Variants in ZFP91 observed in about 807,000 individuals in gnomAD.
ZFP91 encodes E3 ubiquitin-protein ligase ZFP91.
ZFP91 carries 7 observed loss-of-function variants against 63.5 expected under a neutral mutation model. The observed-to-expected ratio is 0.11, with a 90% confidence interval of 0.06 to 0.21. ZFP91 has a LOEUF of 0.21. Among genes scored for constraint, ZFP91 ranks in the 10% least tolerant of loss-of-function variants. The probability of loss-of-function intolerance (pLI) is 1.00; values close to 1 mark genes in which losing one functional copy is unlikely to be tolerated. For missense variants in ZFP91, 628 were observed against 736.6 expected (o/e 0.85, Z 1.71); for synonymous variants, 330 against 272.1 (o/e 1.21, Z -2.10).
At chr11:58,603,164 G>A (rs940002525) in intron 2 of ZFP91, among the ~76,000 whole-genome samples, 6 of 152,136 alleles carry the variant, frequency 3.9e-5, no homozygotes, top group African/African-American at 1.2e-4. Context: ...TCTATCATTG[G>A]GTAAGCAATG....
In ZFP91 at chr11:58,618,060, C is replaced by G. The variant is rs1855780731; in HGVS notation, c.*354C>G. Reference sequence around the variant, plus strand: ...CCTGTAACTCTGATGTGCTCTGGATCAGCTTTTAACTTTTAATCATATATT... The same window carrying G: ...CCTGTAACTCTGATGTGCTCTGGATGAGCTTTTAACTTTTAATCATATATT... On this transcript the variant is annotated 3_prime_UTR_variant, in exon 11 of 11. Transcript: ENST00000316059. 1 of 194,578 alleles carries G rather than the reference C, an allele frequency of 5.1e-6. No individual in the cohort carries two copies. Among genetic ancestry groups the G allele is most frequent in the Non-Finnish European group, 1.0e-5 (1 of 96,946 alleles). The allele number at this position is 194,578 out of a possible 1,614,324, so 12.1% of individuals were successfully genotyped here.
intron 3 of ZFP91, 103 bp from the exon 4 acceptor site, chr11:58,610,195 A>G (rs1443925512): frequency 2.8e-6 from 4 of 1,429,418 alleles, no homozygotes; most frequent in Non-Finnish European, 2.9e-6. Context: ...CTGCTTTTGT[A>G]TAATTACCCC....
At position 58,619,045 on chromosome 11, in the gene ZFP91, A is replaced by T. The variant is rs1038162813; in HGVS notation, c.*1339A>T. The T allele has an allele frequency of 5.5e-6, 1 of 180,378 alleles. No individual in the cohort carries two copies. The highest frequency in any genetic ancestry group is 2.4e-5 in the African/African-American group (1 of 41,562). 11.2% of individuals were successfully genotyped at this position (180,378 alleles called of 1,614,324 possible). On this transcript the variant is annotated 3_prime_UTR_variant, in exon 11 of 11. Coordinates refer to ENST00000316059, the MANE Select transcript of ZFP91 (RefSeq NM_053023.5). ...GTTTCTTGCTTTGCTTTATCAGTTC[A>T]TTCCAGCTCCCTGTTAGTGAAGGAC...
chr11:58,602,742 T>C (rs1855510863), intron 2 of ZFP91, among the ~76,000 whole-genome samples: 1 of 152,202 alleles, frequency 6.6e-6, no homozygotes, highest in African/African-American at 2.4e-5. Flanking sequence ...AGGAAACTAA[T>C]ACATTTTGGT....
At chr11:58,590,020 T>C (rs1351932307) in intron 2 of ZFP91, among the ~76,000 whole-genome samples, 1 of 152,212 alleles carries the variant, frequency 6.6e-6, no homozygotes, top group African/African-American at 2.4e-5. Context: ...CTATATATAT[T>C]ATTTTACATT....
intron 2 of ZFP91, among the ~76,000 whole-genome samples, chr11:58,604,593 C>T (rs564340278): frequency 6.6e-6 from 1 of 152,292 alleles, no homozygotes; most frequent in South Asian, 2.1e-4. Flanking sequence ...TATCTTAATC[C>T]ATTCTTTTAC....
At chr11:58,605,028 T>C (rs1453363637) in intron 2 of ZFP91, among the ~76,000 whole-genome samples, 2 of 152,238 alleles carry the variant, frequency 1.3e-5, no homozygotes, top group Non-Finnish European at 2.9e-5. Context: ...ATCTTTATTT[T>C]CTTTGTATTT....
Position 58,618,937 on chromosome 11 carries a change from T to G in ZFP91, c.*1231T>G, listed in dbSNP as rs1855800471. ...ATTACAGATAGATGATTGTTTCTTG[T>G]GAATTTGTTTCTTTTCCTTTTTTTT... On this transcript the variant is annotated 3_prime_UTR_variant, in exon 11 of 11. Transcript: ENST00000316059. The G allele has an allele frequency of 4.5e-6, 1 of 221,440 alleles. No individual in the cohort carries two copies. Among genetic ancestry groups the G allele is most frequent in the Admixed American group, 5.8e-5 (1 of 17,332 alleles). The allele number at this position is 221,440 out of a possible 1,614,324, so 13.7% of individuals were successfully genotyped here. A position where few individuals can be genotyped will look rare whatever the true frequency, so the allele number is the denominator to read the frequency against.
intron 2 of ZFP91, among the ~76,000 whole-genome samples, chr11:58,599,626 C>G (rs1157867260): frequency 6.6e-6 from 1 of 151,834 alleles, no homozygotes; most frequent in Non-Finnish European, 1.5e-5. Flanking sequence ...CTTTTTTGGC[C>G]TTTTGTATAT....
rs1855036646 is a variant in ZFP91, at chr11:58,579,280, C to T, written c.-2C>T. ...TAGGGGGTGGGGGACGGACAAGCCC[C>T]GATGCCGGGGGAGACGGAAGAGCCG... On this transcript the variant is annotated 5_prime_UTR_variant, in exon 1 of 11. Transcript: ENST00000316059. 4 of 1,444,728 alleles carry T rather than the reference C, an allele frequency of 2.8e-6. No homozygotes were observed. Among genetic ancestry groups the T allele is most frequent in the Non-Finnish European group, 2.7e-6 (3 of 1,107,260 alleles). 89.5% of individuals were successfully genotyped at this position (1,444,728 alleles called of 1,614,324 possible).
At position 58,611,714 on chromosome 11, in the gene ZFP91, G is replaced by A. The variant is rs771654011; in HGVS notation, c.833G>A (p.Arg278Lys). ...VEVKEEENEI[R>K]EDEEPPRKRG... Reference sequence around the variant, plus strand: ...GTGAAAGAAGAGGAGAATGAAATTAGAGAGGATGAGGAACCTCCAAGGAAG... The same window carrying A: ...GTGAAAGAAGAGGAGAATGAAATTAAAGAGGATGAGGAACCTCCAAGGAAG... Residue 278 changes from arginine (R) to lysine (K), a missense_variant, in exon 6 of 11, where the codon AGA becomes AAA. By Grantham distance (26) the Arg-to-Lys change is conservative. Transcript: ENST00000316059. 21 of 1,611,668 alleles carry A rather than the reference G, an allele frequency of 1.3e-5. No homozygotes were observed. Among genetic ancestry groups the A allele is most frequent in the South Asian group, 2.2e-5 (2 of 90,780 alleles).
intron 7 of ZFP91, 173 bp downstream of exon 7, chr11:58,612,501 G>T: frequency 1.5e-6 from 1 of 672,132 alleles, no homozygotes. Context: ...CATTGTAAGA[G>T]CTTGAAATTT....
At position 58,617,757 on chromosome 11, in the gene ZFP91, TTA is replaced by T. The variant is rs1855774144; in HGVS notation, c.*52_*53del. On this transcript the variant is annotated 3_prime_UTR_variant, in exon 11 of 11. Transcript: ENST00000316059. This position sits in a 1 kb window ranked among gnomAD's most constrained non-coding sequence, Gnocchi z 4.2. ...ACAGCTCAGACTTTGTATTTAAAAG[TTA>T]AAAAGGACAAAAAAAAAATCTAAAG... is the stretch of plus-strand genomic sequence containing the variant. 8 of 1,439,258 alleles carry T rather than the reference TTA, an allele frequency of 5.6e-6. No individual in the cohort carries two copies. The highest frequency in any genetic ancestry group is 7.3e-6 in the Non-Finnish European group (8 of 1,099,690). 89.2% of individuals were successfully genotyped at this position (1,439,258 alleles called of 1,614,324 possible).
chr11:58,583,184 A>T (rs1238457846), intron 1 of ZFP91, among the ~76,000 whole-genome samples: 2 of 152,102 alleles, frequency 1.3e-5, no homozygotes, highest in African/African-American at 4.8e-5. Context: ...GTTAAAATGT[A>T]TAAGGCTTTT....
chr11:58,593,591 A>T (rs1855345372), intron 2 of ZFP91, among the ~76,000 whole-genome samples: 1 of 152,234 alleles, frequency 6.6e-6, no homozygotes, highest in Non-Finnish European at 1.5e-5. Flanking sequence ...AATATTGAAA[A>T]TGATCCATTT....
chr11:58,584,908 C>G (rs1221298227), intron 2 of ZFP91, 24 bp downstream of exon 2: 2 of 1,496,690 alleles, frequency 1.3e-6, no homozygotes, highest in Non-Finnish European at 1.8e-6. Context: ...ATCCTTACCT[C>G]TAGCGTACAT....
intron 2 of ZFP91, among the ~76,000 whole-genome samples, chr11:58,593,449 A>G (rs1437306304): frequency 6.6e-6 from 1 of 152,226 alleles, no homozygotes; most frequent in Non-Finnish European, 1.5e-5. Context: ...GCCCCAGAAA[A>G]AGTGATATGA....
At position 58,618,925 on chromosome 11, in the gene ZFP91, G is replaced by T; in HGVS notation, c.*1219G>T. 1 of 209,804 alleles carries T rather than the reference G, an allele frequency of 4.8e-6. No individual in the cohort carries two copies. Among genetic ancestry groups the T allele is most frequent in the Non-Finnish European group, 9.7e-6 (1 of 102,800 alleles). 13.0% of individuals were successfully genotyped at this position (209,804 alleles called of 1,614,324 possible). On this transcript the variant is annotated 3_prime_UTR_variant, in exon 11 of 11. Coordinates refer to ENST00000316059, the MANE Select transcript of ZFP91 (RefSeq NM_053023.5). ...TTCAGAATCTAAATTACAGATAGAT[G>T]ATTGTTTCTTGTGAATTTGTTTCTT...
intron 9 of ZFP91, among the ~76,000 whole-genome samples, 189 bp downstream of exon 9, chr11:58,614,532 T>C (rs575929268): frequency 1.3e-5 from 2 of 152,324 alleles, no homozygotes; most frequent in Non-Finnish European, 2.9e-5. Flanking sequence ...TTTGAATTTT[T>C]ATCCTTTGAC....
Sources: gnomAD v4.1 joint callset for allele counts (sites outside exome capture counted in the v4.1 genomes callset) on GRCh38, gnomAD v4.1.1 for gene constraint, Gnocchi (gnomAD v3.1) non-coding constraint, MANE v1.5 for transcripts, NCBI Gene and HGNC (gene_info 2026-07-23, HGNC 2026-07-21) for gene names.